The following KDM7A variants were observed in gnomAD, a reference collection of about 807,000 sequenced individuals.
KDM7A encodes the protein lysine demethylase 7A.
A neutral mutation model predicts 114.8 loss-of-function variants in KDM7A; 28 were observed. The observed-to-expected ratio is 0.24, with a 90% confidence interval of 0.18 to 0.33. The LOEUF (loss-of-function observed/expected upper bound fraction) is 0.33, where lower values mean the gene tolerates loss of function less well. KDM7A is among the 10% of genes least tolerant of loss of function. The pLI, the probability that KDM7A is intolerant of heterozygous loss-of-function variation, is 1.00. For synonymous variants in KDM7A, 423 were observed against 397.8 expected, an observed-to-expected ratio of 1.06 and a Z score of -0.75; for missense variants, 942 against 1,142.5, an observed-to-expected ratio of 0.82 and a Z score of 2.53.
intron 6 of KDM7A, among the ~76,000 whole-genome samples, 157 bp downstream of exon 6, chr7:140,126,480 C>T (rs1357135833): frequency 2.1e-5 from 3 of 142,632 alleles, no homozygotes; most frequent in Non-Finnish European, 3.0e-5. Flanking sequence ...AAAATCGTAA[C>T]GTTTAAAGGC....
chr7:140,119,773 C>T (rs990915480), intron 8 of KDM7A, among the ~76,000 whole-genome samples: 14 of 152,308 alleles, frequency 9.2e-5, no homozygotes, highest in African/African-American at 2.6e-4. Flanking sequence ...CCCCTAATAA[C>T]GCCACACACA....
In KDM7A at chr7:140,176,624, C is replaced by G. The variant is rs1794712893; in HGVS notation, c.194+120G>C. The G allele has an allele frequency of 4.1e-6, 3 of 733,230 alleles. No homozygotes were observed. The highest frequency in any genetic ancestry group is 3.9e-5 in the African/African-American group (2 of 51,504). 45.4% of individuals were successfully genotyped at this position (733,230 alleles called of 1,614,324 possible). A position where few individuals can be genotyped will look rare whatever the true frequency, so the allele number is the denominator to read the frequency against. On this transcript the variant is annotated intron_variant, in intron 1 of 19. Coordinates refer to ENST00000397560, the MANE Select transcript of KDM7A (RefSeq NM_030647.2). This position sits in a 1 kb window ranked among gnomAD's most constrained non-coding sequence, Gnocchi z 4.4. Reference sequence around the variant, plus strand: ...CGGCCGGGGGGCTAGGCACCGGGGCCCCCTGAAAGCTGGGCGCGGCGCGGC... The same window carrying G: ...CGGCCGGGGGGCTAGGCACCGGGGCGCCCTGAAAGCTGGGCGCGGCGCGGC...
Position 140,124,691 on chromosome 7 carries a change from G to C in KDM7A, c.981C>G (p.Phe327Leu). 1 of 1,613,276 alleles carries C rather than the reference G, an allele frequency of 6.2e-7. No homozygotes were observed. Among genetic ancestry groups the C allele is most frequent in the Non-Finnish European group, 8.5e-7 (1 of 1,179,484 alleles). ...AGCATTTATCCACCTTATCTCCAAA[G>C]AACACCTCACTCTGGGTCACAGATG... ...WSSSVTQSEV[F>L]FGDKVDKCYK... is the part of the protein sequence containing the mutation. Residue 327 changes from phenylalanine to leucine, a missense_variant, in exon 7 of 20, where the codon TTC (phenylalanine) becomes TTG (leucine). Physicochemically the swap from Phe to Leu is conservative, Grantham distance 22. Transcript: ENST00000397560.
chr7:140,128,080 T>C (rs908909720), intron 4 of KDM7A, among the ~76,000 whole-genome samples: 40 of 152,148 alleles, frequency 2.6e-4, no homozygotes, highest in Non-Finnish European at 4.4e-5. Context: ...ACCAGGATAA[T>C]TTCTGCCCTC....
intron 1 of KDM7A, among the ~76,000 whole-genome samples, chr7:140,163,261 T>C (rs1794540305): frequency 6.6e-6 from 1 of 152,060 alleles, no homozygotes; most frequent in Non-Finnish European, 1.5e-5. Flanking sequence ...CCCAAAGTGC[T>C]GGGATTACAG....
intron 2 of KDM7A, among the ~76,000 whole-genome samples, chr7:140,137,317 T>A (rs11983080): frequency 0.25 from 38,622 of 152,100 alleles, 5,175 homozygotes; most frequent in Middle Eastern, 0.31. Flanking sequence ...ACATGTTTTT[T>A]AAAAAATTAA....
At chr7:140,134,328 T>C (rs184376413) in intron 2 of KDM7A, among the ~76,000 whole-genome samples, 46 of 152,340 alleles carry the variant, frequency 3.0e-4, no homozygotes, top group African/African-American at 1.1e-3. Flanking sequence ...CCAATAGCTT[T>C]CTCTGCAATC....
In KDM7A at chr7:140,170,311, T is replaced by TA. The variant is rs1363070528; in HGVS notation, c.194+6432dup. Among the ~76,000 whole-genome samples, 5 of 152,162 alleles carry TA rather than the reference T, an allele frequency of 3.3e-5. 1 individual carries two copies. In the South Asian group the frequency reaches 6.2e-4, roughly 19 times the overall value. On this transcript the variant is annotated intron_variant, in intron 1 of 19. Transcript: ENST00000397560. Reference sequence around the variant, plus strand: ...TACATTAAAGAAAATAATTTTGATTTAAAAAAAGGAAGATGTTTACAGGCA... The same window carrying TA: ...TACATTAAAGAAAATAATTTTGATTTAAAAAAAAGGAAGATGTTTACAGGCA...
intron 9 of KDM7A, among the ~76,000 whole-genome samples, chr7:140,114,366 C>T (rs946634982): frequency 1.9e-4 from 29 of 152,078 alleles, no homozygotes; most frequent in African/African-American, 6.5e-4. Context: ...GACGGGGTTT[C>T]GCTGTGTTGG....
At chr7:140,156,035 G>T (rs529672511) in intron 1 of KDM7A, among the ~76,000 whole-genome samples, 175 of 152,264 alleles carry the variant, frequency 1.1e-3, no homozygotes, top group African/African-American at 4.1e-3. Context: ...TTAACACTTC[G>T]TTGCAACAGT....
chr7:140,116,230 T>C lies in KDM7A; in HGVS notation c.1247-2648A>G, dbSNP rs575717653. 1.1e-4 allele frequency among the ~76,000 whole-genome samples: 16 copies of C among 151,588 alleles called. No homozygotes were observed. In the South Asian group the frequency reaches 1.9e-3, roughly 18 times the overall value. On this transcript the variant is annotated intron_variant, in intron 9 of 19. Coordinates refer to ENST00000397560, the MANE Select transcript of KDM7A (RefSeq NM_030647.2). The stretch of plus-strand genomic sequence containing the variant: ...GTAATTGTCAAAAACCAAAAATAAC[T>C]CCAAAATGTCAAACTTGCAGAATCA...
At chr7:140,124,326 T>C (rs1818663859) in intron 7 of KDM7A, among the ~76,000 whole-genome samples, 1 of 152,158 alleles carries the variant, frequency 6.6e-6, no homozygotes, top group African/African-American at 2.4e-5. Flanking sequence ...ACTTTATTAA[T>C]CTACTAAAAA....
At position 140,116,642 on chromosome 7, in the gene KDM7A, G is replaced by A. The variant is rs184167422; in HGVS notation, c.1246+2471C>T. On this transcript the variant is annotated intron_variant, in intron 9 of 19. Coordinates refer to ENST00000397560, the MANE Select transcript of KDM7A (RefSeq NM_030647.2). ...GCCTTATTCTTTACACGGTATGAAT[G>A]TGTGTGTGTGTATGCAGTGCGTGTG... Among the ~76,000 whole-genome samples the A allele has an allele frequency of 1.6e-3, 236 of 152,072 alleles. 1 individual carries two copies. Among genetic ancestry groups the A allele is most frequent in the Non-Finnish European group, 2.6e-3 (176 of 67,954 alleles).
chr7:140,168,010 A>T (rs933365919), intron 1 of KDM7A, among the ~76,000 whole-genome samples: 2 of 152,230 alleles, frequency 1.3e-5, no homozygotes, highest in African/African-American at 4.8e-5. Context: ...AGAAAAAACA[A>T]ATGTTCAAAC....
At chr7:140,100,733 T>TACAC (rs1562946137) in intron 12 of KDM7A, among the ~76,000 whole-genome samples, 8 of 51,886 alleles carry the variant, frequency 1.5e-4, no homozygotes, top group Admixed American at 2.3e-4. Context: ...TATATATATA[T>TACAC]ATATATATAC....
chr7:140,166,879 T>A (rs894075014), intron 1 of KDM7A, among the ~76,000 whole-genome samples: 6 of 152,102 alleles, frequency 3.9e-5, no homozygotes, highest in African/African-American at 1.4e-4. Flanking sequence ...GTTCCCTAAG[T>A]GATAATACAA....
At chr7:140,114,255 T>C (rs1301204077) in intron 9 of KDM7A, among the ~76,000 whole-genome samples, 1 of 152,226 alleles carries the variant, frequency 6.6e-6, no homozygotes, top group East Asian at 1.9e-4. Flanking sequence ...CTCGGCTCAC[T>C]GCAACCTCCC....
chr7:140,094,022 A>C, intron 18 of KDM7A, 34 bp downstream of exon 18: 1 of 1,241,344 alleles, frequency 8.1e-7, no homozygotes, highest in Non-Finnish European at 1.2e-6. Context: ...GATCATTTTA[A>C]ATCTCCTTTT....
At chr7:140,096,846 TCA>T (rs1818123120) in intron 16 of KDM7A, 51 bp downstream of exon 16, 2 of 1,591,420 alleles carry the variant, frequency 1.3e-6, no homozygotes, top group African/African-American at 2.7e-5. Flanking sequence ...AAAAAAGTGT[TCA>T]TAGTATTTAC....
Sources: gnomAD v4.1 joint callset for allele counts (sites outside exome capture counted in the v4.1 genomes callset) on GRCh38, gnomAD v4.1.1 for gene constraint, Gnocchi (gnomAD v3.1) non-coding constraint, MANE v1.5 for transcripts, NCBI Gene and HGNC (gene_info 2026-07-23, HGNC 2026-07-21) for gene names.